Variants in AGMO observed in about 807,000 individuals in gnomAD.
The protein encoded by AGMO is alkylglycerol monooxygenase.
Under a neutral mutation model 60.2 loss-of-function variants are expected in AGMO, and 75 were observed. The observed-to-expected ratio is 1.25, with a 90% CI of 1.03 to 1.51. The LOEUF (loss-of-function observed/expected upper bound fraction) is 1.51, where lower values mean the gene tolerates loss of function less well. AGMO is among the 40% of genes most tolerant of loss of function. AGMO has a pLI of 0.00. For synonymous variants in AGMO, 261 were observed against 177.1 expected, an observed-to-expected ratio of 1.47 and a Z score of -3.76; for missense variants, 763 against 525.5, an observed-to-expected ratio of 1.45 and a Z score of -4.42.
At chr7:15,463,059 A>C (rs1397210555) in intron 3 of AGMO, among the ~76,000 whole-genome samples, 3 of 152,266 alleles carry the variant, frequency 2.0e-5, no homozygotes, top group East Asian at 1.9e-4. Flanking sequence ...GGATAACTGG[A>C]ATAAGATATA....
chr7:15,209,649 TG>T (rs1480637876), intron 12 of AGMO, among the ~76,000 whole-genome samples: 1 of 152,110 alleles, frequency 6.6e-6, no homozygotes, highest in African/African-American at 2.4e-5. Flanking sequence ...ACTGCACAAA[TG>T]GTTTCTCGCC....
chr7:15,263,563 C>T (rs939909846), intron 12 of AGMO, among the ~76,000 whole-genome samples: 8 of 152,058 alleles, frequency 5.3e-5, no homozygotes, highest in African/African-American at 1.9e-4. Context: ...AATCCCACTA[C>T]TAGGTTATCT....
At chr7:15,398,407 G>A (rs561467371) in intron 5 of AGMO, among the ~76,000 whole-genome samples, 1 of 152,160 alleles carries the variant, frequency 6.6e-6, no homozygotes, top group Admixed American at 6.5e-5. Context: ...GTCAACCACA[G>A]ATAAATTTCC....
chr7:15,321,714 C>T (rs1781113720), intron 12 of AGMO, among the ~76,000 whole-genome samples: 1 of 151,384 alleles, frequency 6.6e-6, no homozygotes, highest in African/African-American at 2.4e-5. Flanking sequence ...AATTTTAATA[C>T]AAAAAAGAAA....
chr7:15,374,756 A>T (rs976657752), intron 10 of AGMO, among the ~76,000 whole-genome samples: 1 of 152,084 alleles, frequency 6.6e-6, no homozygotes, highest in Non-Finnish European at 1.5e-5. Flanking sequence ...GACCCAGAGG[A>T]GCTTGGTGGA....
intron 3 of AGMO, among the ~76,000 whole-genome samples, chr7:15,527,754 G>C (rs113275538): frequency 2.1e-4 from 32 of 152,202 alleles, no homozygotes; most frequent in African/African-American, 6.7e-4. Context: ...AATACAGGTG[G>C]TGGCTTTAAG....
At chr7:15,215,727 C>G (rs1444755956) in intron 12 of AGMO, among the ~76,000 whole-genome samples, 1 of 151,934 alleles carries the variant, frequency 6.6e-6, no homozygotes, top group Non-Finnish European at 1.5e-5. Flanking sequence ...AGCAGGAGCT[C>G]CAAGACTTTA....
intron 8 of AGMO, among the ~76,000 whole-genome samples, chr7:15,387,918 T>TG (rs1259134822): frequency 6.7e-6 from 1 of 148,478 alleles, no homozygotes; most frequent in Admixed American, 6.7e-5. Flanking sequence ...TTTTTTTTTT[T>TG]TTTCCCCAAG....
intron 12 of AGMO, among the ~76,000 whole-genome samples, chr7:15,274,289 C>T (rs929489691): frequency 2.0e-5 from 3 of 152,152 alleles, no homozygotes; most frequent in Non-Finnish European, 1.5e-5. Flanking sequence ...TGAGATATGT[C>T]TCATCAATAC....
chr7:15,336,740 T>C (rs1781675497), intron 12 of AGMO, among the ~76,000 whole-genome samples: 2 of 152,192 alleles, frequency 1.3e-5, no homozygotes, highest in African/African-American at 2.4e-5. Flanking sequence ...GTGTTATTTC[T>C]AATTTCAACA....
chr7:15,191,363 T>C, the AGMO span, among the ~76,000 whole-genome samples: 38 of 152,268 alleles, frequency 2.5e-4, no homozygotes, highest in African/African-American at 7.9e-4. Context: ...ATAATCCCCC[T>C]AGGAACCCAG....
chr7:15,186,902 T>C, the AGMO span, among the ~76,000 whole-genome samples: 6 of 152,132 alleles, frequency 3.9e-5, no homozygotes, highest in South Asian at 2.1e-4. Flanking sequence ...GCTTGGCTCA[T>C]ATGGGAAAAG....
At position 15,354,496 on chromosome 7, in the gene AGMO, G is replaced by GTA. The variant is rs60044874; in HGVS notation, c.1263+11016_1263+11017dup. 9.7e-3 allele frequency among the ~76,000 whole-genome samples: 182 copies of GTA among 18,754 alleles called. 6 individuals are homozygous for GTA. Among genetic ancestry groups the GTA allele is most frequent in the Non-Finnish European group, 0.012 (131 of 10,808 alleles). 12.3% of individuals were successfully genotyped at this position (18,754 alleles called of 152,430 possible). ...TACACACGTGTGTATATACACACGT[G>GTA]TATATATATATATATATATATATAT... On this transcript the variant is annotated intron_variant, in intron 12 of 12. Transcript: ENST00000342526.
chr7:15,394,077 A>T (rs1195166085), intron 6 of AGMO, 36 bp downstream of exon 6: 3 of 1,483,538 alleles, frequency 2.0e-6, no homozygotes, highest in Non-Finnish European at 2.8e-6. Context: ...TTTTTAGAGA[A>T]ATGAAGAAAA....
intron 12 of AGMO, among the ~76,000 whole-genome samples, chr7:15,287,797 T>C (rs966874690): frequency 6.6e-6 from 1 of 152,134 alleles, no homozygotes; most frequent in East Asian, 1.9e-4. Context: ...TTTTTTTGTA[T>C]GATAAATCTG....
chr7:15,530,872 G>T (rs951894480), intron 3 of AGMO, among the ~76,000 whole-genome samples: 65 of 136,652 alleles, frequency 4.8e-4, no homozygotes, highest in Non-Finnish European at 7.6e-4. Flanking sequence ...ACTGTATATA[G>T]ATGACTGTAT....
At chr7:15,501,460 T>C (rs1456686604) in intron 3 of AGMO, among the ~76,000 whole-genome samples, 1 of 151,948 alleles carries the variant, frequency 6.6e-6, no homozygotes, top group Non-Finnish European at 1.5e-5. Flanking sequence ...TCCACTTTTG[T>C]GTATATTTGG....
Position 15,349,620 on chromosome 7 carries a change from C to G in AGMO, c.1263+15894G>C, listed in dbSNP as rs146795277. 4.6e-5 allele frequency among the ~76,000 whole-genome samples: 7 copies of G among 152,224 alleles called. No homozygotes were observed. In the East Asian group the frequency reaches 7.7e-4, roughly 17 times the overall value. On this transcript the variant is annotated intron_variant, in intron 12 of 12. Transcript: ENST00000342526. ...ATTAATATACAAATGGTGTATTAGCCTATTCTCATGCTGCTATGAAGAAAA... is the reference window on the plus strand; with the variant it reads ...ATTAATATACAAATGGTGTATTAGCGTATTCTCATGCTGCTATGAAGAAAA...
chr7:15,401,574 A>T (rs1784553435), intron 5 of AGMO, among the ~76,000 whole-genome samples: 1 of 152,154 alleles, frequency 6.6e-6, no homozygotes, highest in Non-Finnish European at 1.5e-5. Flanking sequence ...TTCAATTTTT[A>T]CATCTGCAAA....
Sources: gnomAD v4.1 joint callset for allele counts (sites outside exome capture counted in the v4.1 genomes callset) on GRCh38, gnomAD v4.1.1 for gene constraint, MANE v1.5 for transcripts, NCBI Gene and HGNC (gene_info 2026-07-23, HGNC 2026-07-21) for gene names.